The following C8orf34 variants were observed in gnomAD, a reference collection of about 807,000 sequenced individuals.
C8orf34 encodes uncharacterized protein C8orf34.
C8orf34 carries 65 observed loss-of-function variants against 68.3 expected under a neutral mutation model. That is an observed-to-expected ratio of 0.95 (90% confidence interval 0.78 to 1.17). C8orf34 has a LOEUF of 1.17. Ranked by LOEUF, C8orf34 falls within the 50% of genes most tolerant of loss-of-function variation. C8orf34 has a pLI of 0.00. For synonymous variants in C8orf34, 244 were observed against 241.2 expected (o/e 1.01, Z -0.11); for missense variants, 664 against 655.4 (o/e 1.01, Z -0.14).
At chr8:68,770,458 G>A (rs1393855099) in intron 10 of C8orf34, among the ~76,000 whole-genome samples, 1 of 152,176 alleles carries the variant, frequency 6.6e-6, no homozygotes, top group East Asian at 1.9e-4. Context: ...TCTTTCTAGA[G>A]TCAATTGACC....
intron 9 of C8orf34, among the ~76,000 whole-genome samples, chr8:68,718,968 T>C (rs189416217): frequency 2.6e-5 from 4 of 152,278 alleles, no homozygotes; most frequent in East Asian, 1.9e-4. Flanking sequence ...CACCCATCCA[T>C]AGGTGATTTT....
intron 5 of C8orf34, among the ~76,000 whole-genome samples, chr8:68,498,950 G>A (rs892602865): frequency 6.6e-6 from 1 of 152,050 alleles, no homozygotes. Flanking sequence ...ATCACTTCAG[G>A]GGGTACATGT....
chr8:68,626,671 G>T (rs1213579978), intron 7 of C8orf34, among the ~76,000 whole-genome samples: 2 of 152,192 alleles, frequency 1.3e-5, no homozygotes, highest in Non-Finnish European at 2.9e-5. Flanking sequence ...TGCATGAGCA[G>T]TCAACACATT....
intron 3 of C8orf34, among the ~76,000 whole-genome samples, chr8:68,451,608 C>G (rs561807594): frequency 1.3e-5 from 2 of 152,134 alleles, no homozygotes; most frequent in South Asian, 2.1e-4. Flanking sequence ...AATGGCTAGT[C>G]AGTGGAGTAG....
intron 8 of C8orf34, among the ~76,000 whole-genome samples, chr8:68,674,614 A>C (rs978788919): frequency 6.6e-6 from 1 of 152,134 alleles, no homozygotes; most frequent in Non-Finnish European, 1.5e-5. Flanking sequence ...GAGGAGATGA[A>C]AGAAAAAAAA....
intron 9 of C8orf34, among the ~76,000 whole-genome samples, chr8:68,714,495 G>C (rs1821413203): frequency 6.6e-6 from 1 of 151,972 alleles, no homozygotes; most frequent in Non-Finnish European, 1.5e-5. Flanking sequence ...GACCAAGCTG[G>C]ACAATCAAAT....
Position 68,462,019 on chromosome 8 carries a change from C to T in C8orf34, c.608-6673C>T, listed in dbSNP as rs535940652. On this transcript the variant is annotated intron_variant, in intron 3 of 13. Coordinates refer to ENST00000518698, the MANE Select transcript of C8orf34 (RefSeq NM_052958.4). ...GCAAATTGGATAAAGAGTCAAGACC[C>T]ATCAGTGTGCTGTATTCAGGAAACC... 7.8e-3 allele frequency among the ~76,000 whole-genome samples: 1,194 copies of T among 152,220 alleles called. 16 individuals carry two copies. Among genetic ancestry groups the T allele is most frequent in the African/African-American group, 0.026 (1,085 of 41,524 alleles).
chr8:68,412,469 T>G (rs777062881), intron 1 of C8orf34, among the ~76,000 whole-genome samples: 2 of 152,138 alleles, frequency 1.3e-5, no homozygotes, highest in African/African-American at 2.4e-5. Context: ...TGCCATCAGA[T>G]TACATTTCCC....
At chr8:68,647,036 C>CCATA (rs1321881876) in intron 8 of C8orf34, among the ~76,000 whole-genome samples, 5 of 152,100 alleles carry the variant, frequency 3.3e-5, no homozygotes, top group Non-Finnish European at 7.4e-5. Flanking sequence ...TATTTGTAAA[C>CCATA]CATACTCTGA....
chr8:68,377,223 C>T (rs1002888032), intron 1 of C8orf34, among the ~76,000 whole-genome samples: 4 of 151,864 alleles, frequency 2.6e-5, no homozygotes, highest in African/African-American at 9.7e-5. Flanking sequence ...AAAACCTGGT[C>T]TCTATAAAAA....
intron 1 of C8orf34, among the ~76,000 whole-genome samples, chr8:68,342,281 G>A (rs1415434542): frequency 6.6e-6 from 1 of 152,132 alleles, no homozygotes; most frequent in Non-Finnish European, 1.5e-5. Flanking sequence ...GAGATCTAGA[G>A]TTACACTTAG....
rs814441 is a variant in C8orf34, at chr8:68,356,235, T to A, written c.327+24896T>A. On this transcript the variant is annotated intron_variant, in intron 1 of 13. Coordinates refer to ENST00000518698, the MANE Select transcript of C8orf34 (RefSeq NM_052958.4). ...CAAGTCTGAGAATATTCTTAGCAGTTTATGGGAGACTTTATTTTCTGGAAA... is the reference window on the plus strand; with the variant it reads ...CAAGTCTGAGAATATTCTTAGCAGTATATGGGAGACTTTATTTTCTGGAAA... 5.3e-3 allele frequency among the ~76,000 whole-genome samples: 811 copies of A among 152,062 alleles called. 5 individuals carry two copies. The highest frequency in any genetic ancestry group is 0.017 in the African/African-American group (718 of 41,502).
intron 7 of C8orf34, among the ~76,000 whole-genome samples, chr8:68,638,538 G>A (rs1818913204): frequency 6.6e-6 from 1 of 152,136 alleles, no homozygotes; most frequent in East Asian, 1.9e-4. Context: ...GTATGGAGCA[G>A]GAGTATATCT....
chr8:68,429,522 T>A (rs1349748655), intron 1 of C8orf34, among the ~76,000 whole-genome samples: 1 of 152,256 alleles, frequency 6.6e-6, no homozygotes, highest in African/African-American at 2.4e-5. Context: ...TGAATCCCTC[T>A]GCTAGGGATA....
rs539781353 is a variant in C8orf34, at chr8:68,369,481, G to A, written c.327+38142G>A. Among the ~76,000 whole-genome samples, 11 of 152,244 alleles carry A rather than the reference G, an allele frequency of 7.2e-5. No homozygotes were observed. In the East Asian group the frequency reaches 1.4e-3, roughly 19 times the overall value. The stretch of plus-strand genomic sequence containing the variant: ...TCTTCTTTCTTTTTAGTCACTGGTC[G>A]TAATCAATTTTCCATGAAGGACATA... On this transcript the variant is annotated intron_variant, in intron 1 of 13. Coordinates refer to ENST00000518698, the MANE Select transcript of C8orf34 (RefSeq NM_052958.4).
intron 13 of C8orf34, among the ~76,000 whole-genome samples, chr8:68,816,796 A>G (rs575921082): frequency 6.6e-6 from 1 of 152,322 alleles, no homozygotes; most frequent in South Asian, 2.1e-4. Flanking sequence ...TAAAGCATGA[A>G]AAATGTTTTA....
intron 8 of C8orf34, among the ~76,000 whole-genome samples, chr8:68,669,669 T>G (rs1317737683): frequency 6.6e-6 from 1 of 152,194 alleles, no homozygotes; most frequent in African/African-American, 2.4e-5. Context: ...ATGAATAAAG[T>G]TCTGAGCTCA....
chr8:68,461,101 C>A (rs921780629), intron 3 of C8orf34, among the ~76,000 whole-genome samples: 4 of 152,180 alleles, frequency 2.6e-5, no homozygotes, highest in African/African-American at 7.2e-5. Context: ...CTTAAAGGAG[C>A]TGATGGAGCT....
At chr8:68,674,823 T>A (rs1820130119) in intron 8 of C8orf34, among the ~76,000 whole-genome samples, 1 of 151,912 alleles carries the variant, frequency 6.6e-6, no homozygotes, top group African/African-American at 2.4e-5. Flanking sequence ...TAACCCAAAG[T>A]AAAGTATCTC....
Sources: gnomAD v4.1 joint callset for allele counts (sites outside exome capture counted in the v4.1 genomes callset) on GRCh38, gnomAD v4.1.1 for gene constraint, MANE v1.5 for transcripts, NCBI Gene and HGNC (gene_info 2026-07-23, HGNC 2026-07-21) for gene names.